Variants in EPHX2 observed in about 807,000 individuals in gnomAD.
The protein encoded by EPHX2 is epoxide hydrolase 2, also known as bifunctional epoxide hydrolase 2.
EPHX2 carries 74 observed loss-of-function variants against 78.7 expected under a neutral mutation model. That is an observed-to-expected ratio of 0.94 (90% CI 0.78 to 1.14). The LOEUF (loss-of-function observed/expected upper bound fraction) is 1.14, where lower values mean the gene tolerates loss of function less well. Among genes scored for constraint, EPHX2 ranks in the 50% most tolerant of loss-of-function variants. EPHX2 has a pLI of 0.00. For synonymous variants in EPHX2, 251 were observed against 255.2 expected (o/e 0.98, Z 0.16); for missense variants, 715 against 702.5 (o/e 1.02, Z -0.20).
Position 27,520,928 on chromosome 8 carries a change from C to T in EPHX2, c.972+19C>T. The T allele has an allele frequency of 1.9e-6, 3 of 1,613,938 alleles. No homozygotes were observed. The highest frequency in any genetic ancestry group is 2.5e-6 in the Non-Finnish European group (3 of 1,179,812). On this transcript the variant is annotated intron_variant, in intron 10 of 18. Coordinates refer to ENST00000521400, the MANE Select transcript of EPHX2 (RefSeq NM_001979.6). Reference sequence around the variant, plus strand: ...TAAACTGGTAAGTCATTATTTTGAACTGATATCTTTGGAGAATTCCTTTGG... The same window carrying T: ...TAAACTGGTAAGTCATTATTTTGAATTGATATCTTTGGAGAATTCCTTTGG...
chr8:27,514,119 A>T (rs1814361402), intron 6 of EPHX2, among the ~76,000 whole-genome samples: 1 of 152,114 alleles, frequency 6.6e-6, no homozygotes, highest in Admixed American at 6.5e-5. Flanking sequence ...GGAGTTCGAG[A>T]CCAGCCTGGG....
chr8:27,543,930 A>G (rs1029700359), intron 17 of EPHX2, 101 bp downstream of exon 17: 27 of 1,277,768 alleles, frequency 2.1e-5, no homozygotes, highest in Non-Finnish European at 2.9e-5. Flanking sequence ...TGTCATGTGG[A>G]TAGGACCATG....
At chr8:27,506,673 G>A (rs1355014399) in intron 4 of EPHX2, among the ~76,000 whole-genome samples, 199 bp from the exon 5 acceptor site, 4 of 152,208 alleles carry the variant, frequency 2.6e-5, no homozygotes, top group Admixed American at 2.6e-4. Context: ...AATTTCAGAA[G>A]TGGCTGAAGC....
At chr8:27,517,580 C>T (rs1814502405) in intron 8 of EPHX2, among the ~76,000 whole-genome samples, 1 of 152,202 alleles carries the variant, frequency 6.6e-6, no homozygotes. Flanking sequence ...GAAAGCCCAG[C>T]AGTTGATCCA....
In EPHX2 at chr8:27,516,323, C is replaced by T. The variant is rs1814450047; in HGVS notation, c.835C>T (p.Pro279Ser). The part of the protein sequence containing the change: ...ESWYSWRYQI[P>S]ALAQAGYRVL... ...AGTGTGCCTGTTTGTTTTCTAGATC[C>T]CTGCTCTGGCCCAGGCAGGTTACCG... is the stretch of plus-strand genomic sequence containing the variant. Residue 279 changes from proline (P) to serine (S), a missense_variant, in exon 8 of 19, where the codon CCT (proline) becomes TCT (serine). By Grantham distance (74) the Pro-to-Ser change is moderately conservative (BLOSUM62 -1). Coordinates refer to ENST00000521400, the MANE Select transcript of EPHX2 (RefSeq NM_001979.6). 6.2e-7 allele frequency: 1 copy of T among 1,613,760 alleles called. No homozygotes were observed. The highest frequency in any genetic ancestry group is 8.5e-7 in the Non-Finnish European group (1 of 1,179,826).
rs1815526283 is a variant in EPHX2, at chr8:27,544,571, T to G, written c.*49T>G. 6.3e-7 allele frequency: 1 copy of G among 1,591,542 alleles called. No individual in the cohort carries two copies. Among genetic ancestry groups the G allele is most frequent in the Non-Finnish European group, 8.6e-7 (1 of 1,161,090 alleles). ...GCAGGTGTGCCATCCTTCCACCTGC[T>G]GGGGCACCATTCTTAGTATACAGAG... On this transcript the variant is annotated 3_prime_UTR_variant, in exon 19 of 19. Coordinates refer to ENST00000521400, the MANE Select transcript of EPHX2 (RefSeq NM_001979.6).
Position 27,517,400 on chromosome 8 carries a change from A to G in EPHX2, c.911-638A>G, listed in dbSNP as rs1380519694. ...TAGAGACAGCAATTCTACAGTTCTT[A>G]TGGACCCACAAAAGACTGCAAATAG... On this transcript the variant is annotated intron_variant, in intron 8 of 18. Coordinates refer to ENST00000521400, the MANE Select transcript of EPHX2 (RefSeq NM_001979.6). Among the ~76,000 whole-genome samples, 8 of 152,192 alleles carry G rather than the reference A, an allele frequency of 5.3e-5. No individual in the cohort carries two copies. The East Asian group carries it at 1.5e-3, about 29-fold the overall frequency.
rs72475837 is a variant in EPHX2, at chr8:27,514,738, C to G, written c.736-980C>G. On this transcript the variant is annotated intron_variant, in intron 6 of 18. Transcript: ENST00000521400. ...GGCCACGCACAGGAGGTTCCTGTGA[C>G]CCCCGGATGTAGCACCTTTCCTCTG... Among the ~76,000 whole-genome samples, 24 of 152,144 alleles carry G rather than the reference C, an allele frequency of 1.6e-4. 1 individual carries two copies. Among genetic ancestry groups the G allele is most frequent in the African/African-American group, 5.3e-4 (22 of 41,516 alleles).
chr8:27,501,336 CTTCT>C (rs1554519509), intron 2 of EPHX2, among the ~76,000 whole-genome samples: 8 of 94,956 alleles, frequency 8.4e-5, no homozygotes, highest in African/African-American at 3.9e-4. Flanking sequence ...TCTTCTTCTT[CTTCT>C]TCTTCTTCTT....
rs1814446875 is a variant in EPHX2, at chr8:27,516,260, G to A, written c.832-60G>A. 1.3e-6 allele frequency: 2 copies of A among 1,481,796 alleles called. 1 individual carries two copies. Among genetic ancestry groups the A allele is most frequent in the South Asian group, 2.3e-5 (2 of 87,198 alleles). The allele number at this position is 1,481,796 out of a possible 1,614,324, so 91.8% of individuals were successfully genotyped here. A position where few individuals can be genotyped will look rare whatever the true frequency, so the allele number is the denominator to read the frequency against. ...GAAGAAGGGGATGGAGGGAAGCAAAGAGGGAGTATCCGCCTAGGACTGATG... is the reference window on the plus strand; with the variant it reads ...GAAGAAGGGGATGGAGGGAAGCAAAAAGGGAGTATCCGCCTAGGACTGATG... On this transcript the variant is annotated intron_variant, in intron 7 of 18. Transcript: ENST00000521400.
intron 12 of EPHX2, among the ~76,000 whole-genome samples, chr8:27,532,028 T>C (rs1233527109): frequency 6.6e-6 from 1 of 152,074 alleles, no homozygotes; most frequent in Non-Finnish European, 1.5e-5. Context: ...GACAGTGTGC[T>C]GAATACGCAC....
chr8:27,499,488 A>G (rs1475193041), intron 1 of EPHX2, among the ~76,000 whole-genome samples: 2 of 152,218 alleles, frequency 1.3e-5, no homozygotes, highest in Non-Finnish European at 2.9e-5. Context: ...GATAAAAGGT[A>G]TACTTGACTA....
intron 13 of EPHX2, among the ~76,000 whole-genome samples, chr8:27,537,809 G>A (rs1452018688): frequency 1.3e-5 from 2 of 151,982 alleles, no homozygotes; most frequent in Admixed American, 1.3e-4. Context: ...TGTTTTTGGG[G>A]AGTCGTATTT....
chr8:27,521,165 G>C (rs1387636650), intron 10 of EPHX2, among the ~76,000 whole-genome samples: 1 of 152,206 alleles, frequency 6.6e-6, no homozygotes, highest in African/African-American at 2.4e-5. Context: ...TGGGACCAGG[G>C]AGGACAGCCT....
intron 1 of EPHX2, among the ~76,000 whole-genome samples, chr8:27,495,944 T>G (rs986101758): frequency 6.6e-6 from 1 of 152,180 alleles, no homozygotes; most frequent in Admixed American, 6.5e-5. Context: ...TCTACTAGAT[T>G]AGTGTTTGCC....
Position 27,516,359 on chromosome 8 carries a change from A to G in EPHX2, c.871A>G (p.Met291Val), listed in dbSNP as rs770102626. ...LAQAGYRVLA[M>V]DMKGYGESSA... ...CCAGGCAGGTTACCGGGTCCTAGCT[A>G]TGGACATGAAAGGCTATGGAGAGTC... The change falls in exon 8 of 19, where the codon ATG becomes GTG. Residue 291 changes from methionine to valine, a missense_variant. By Grantham distance (21) the Met-to-Val change is conservative. Transcript: ENST00000521400. 1 of 1,613,874 alleles carries G rather than the reference A, an allele frequency of 6.2e-7. No individual in the cohort carries two copies. Among genetic ancestry groups the G allele is most frequent in the African/African-American group, 1.3e-5 (1 of 74,870 alleles).
At chr8:27,523,586 T>A (rs1426268029) in intron 11 of EPHX2, among the ~76,000 whole-genome samples, 1 of 152,200 alleles carries the variant, frequency 6.6e-6, no homozygotes, top group East Asian at 1.9e-4. Flanking sequence ...CCAGGAAACT[T>A]TGTTCTGCTT....
At chr8:27,492,153 G>A (rs1045788073) in intron 1 of EPHX2, among the ~76,000 whole-genome samples, 1 of 152,158 alleles carries the variant, frequency 6.6e-6, no homozygotes, top group Admixed American at 6.6e-5. Context: ...CTGTTAAAGA[G>A]CAGAGCCAGA....
chr8:27,543,992 C>T (rs968115798), intron 17 of EPHX2, among the ~76,000 whole-genome samples, 163 bp downstream of exon 17: 2 of 152,194 alleles, frequency 1.3e-5, no homozygotes, highest in Non-Finnish European at 2.9e-5. Context: ...AAGCAGCAAC[C>T]GTGACTGTAC....
Sources: gnomAD v4.1 joint callset for allele counts (sites outside exome capture counted in the v4.1 genomes callset) on GRCh38, gnomAD v4.1.1 for gene constraint, MANE v1.5 for transcripts, NCBI Gene and HGNC (gene_info 2026-07-23, HGNC 2026-07-21) for gene names.